KMO: variants seen among roughly 807,000 people sequenced by gnomAD.
KMO encodes the protein kynurenine 3-hydroxylase.
A neutral mutation model predicts 57.8 loss-of-function variants in KMO; 24 were observed. The ratio of observed to expected loss-of-function variants is 0.42; its 90% confidence interval spans 0.30 to 0.58. The LOEUF (loss-of-function observed/expected upper bound fraction) is 0.58. KMO is among the 20% of genes least tolerant of loss of function. The probability of loss-of-function intolerance (pLI) is 0.22; values close to 1 mark genes in which losing one functional copy is unlikely to be tolerated. For missense variants in KMO, 483 were observed against 588.2 expected, an observed-to-expected ratio of 0.82 and a Z score of 1.85; for synonymous variants, 210 against 193.6, an observed-to-expected ratio of 1.08 and a Z score of -0.70.
At chr1:241,544,223 C>T (rs1395146938) in intron 1 of KMO, among the ~76,000 whole-genome samples, 2 of 152,196 alleles carry the variant, frequency 1.3e-5, no homozygotes, top group African/African-American at 4.8e-5. Flanking sequence ...TCCTACTTGC[C>T]TTTCTCCCTA....
chr1:241,565,889 A>G (rs1662057373), intron 8 of KMO, among the ~76,000 whole-genome samples: 1 of 152,156 alleles, frequency 6.6e-6, no homozygotes, highest in South Asian at 2.1e-4. Flanking sequence ...GAGATGTCAA[A>G]TCTAACCAAC....
At position 241,594,848 on chromosome 1, in the gene KMO, T is replaced by TCAC; in HGVS notation, c.*2697_*2699dup. 5.6e-6 allele frequency: 4 copies of TCAC among 719,362 alleles called. No individual in the cohort carries two copies. The highest frequency in any genetic ancestry group is 9.1e-6 in the Non-Finnish European group (4 of 440,734). 44.6% of individuals were successfully genotyped at this position (719,362 alleles called of 1,614,324 possible). A position where few individuals can be genotyped will look rare whatever the true frequency, so the allele number is the denominator to read the frequency against. ...GTGGTCATGCTCAGATCTACCTAAA[T>TCAC]CACCCCAGAGCTTTATGTCTTTTAT... On this transcript the variant is annotated 3_prime_UTR_variant, in exon 15 of 15. Transcript: ENST00000366559.
At chr1:241,541,362 T>C (rs1451589480) in intron 1 of KMO, among the ~76,000 whole-genome samples, 1 of 152,112 alleles carries the variant, frequency 6.6e-6, no homozygotes, top group Non-Finnish European at 1.5e-5. Flanking sequence ...CTCTAAGATA[T>C]GAAATATATA....
intron 2 of KMO, among the ~76,000 whole-genome samples, chr1:241,549,435 A>T (rs1268576727): frequency 6.6e-6 from 1 of 152,144 alleles, no homozygotes; most frequent in East Asian, 1.9e-4. Context: ...AGATTTTCTG[A>T]ACTTAAAAAG....
intron 1 of KMO, among the ~76,000 whole-genome samples, chr1:241,543,900 G>A (rs1043817959): frequency 6.6e-6 from 1 of 152,136 alleles, no homozygotes; most frequent in Admixed American, 6.6e-5. Context: ...GAAGTATTGA[G>A]GCAGAATCTC....
intron 7 of KMO, among the ~76,000 whole-genome samples, chr1:241,563,240 A>G (rs1661945944): frequency 6.6e-6 from 1 of 152,218 alleles, no homozygotes; most frequent in African/African-American, 2.4e-5. Context: ...TCATGTTGTC[A>G]TAAGCAAATA....
intron 14 of KMO, among the ~76,000 whole-genome samples, chr1:241,591,596 T>C (rs901147048): frequency 6.6e-6 from 1 of 152,158 alleles, no homozygotes; most frequent in Non-Finnish European, 1.5e-5. Flanking sequence ...GGGAAGCTTC[T>C]GAGAAGGAAT....
chr1:241,538,781 C>T (rs896595812), intron 1 of KMO, among the ~76,000 whole-genome samples: 30 of 152,306 alleles, frequency 2.0e-4, no homozygotes, highest in African/African-American at 6.5e-4. Flanking sequence ...GAATTCATCC[C>T]TCAGAGATTC....
intron 1 of KMO, among the ~76,000 whole-genome samples, chr1:241,532,715 A>G (rs1660621108): frequency 6.6e-6 from 1 of 152,124 alleles, no homozygotes; most frequent in Non-Finnish European, 1.5e-5. Context: ...AAGGTATTTT[A>G]TAGCCATTAA....
intron 6 of KMO, 77 bp downstream of exon 6, chr1:241,560,829 G>C: frequency 1.1e-6 from 1 of 950,162 alleles, no homozygotes; most frequent in Non-Finnish European, 1.7e-6. Context: ...TTTGTTCTTT[G>C]GCTCTTTTGA....
At chr1:241,540,796 G>T (rs1395306981) in intron 1 of KMO, among the ~76,000 whole-genome samples, 3 of 152,094 alleles carry the variant, frequency 2.0e-5, no homozygotes, top group African/African-American at 7.2e-5. Context: ...GGGCATGATG[G>T]TTCATGCCTA....
chr1:241,579,107 A>G (rs1662653847), intron 10 of KMO, among the ~76,000 whole-genome samples: 1 of 152,100 alleles, frequency 6.6e-6, no homozygotes, highest in African/African-American at 2.4e-5. Context: ...AAACCATATC[A>G]CAGTGATAGC....
rs141807761 is a variant in KMO at position 241,542,963 on chromosome 1, T to C, written c.55-5866T>C. Reference sequence around the variant, plus strand: ...CACGCCCATTACTACCCCTTCTGGCTGAACCGACGTAACACCTACTATTGT... The same window carrying C: ...CACGCCCATTACTACCCCTTCTGGCCGAACCGACGTAACACCTACTATTGT... On this transcript the variant is annotated intron_variant, in intron 1 of 14. Coordinates refer to ENST00000366559, the MANE Select transcript of KMO (RefSeq NM_003679.5). Among the ~76,000 whole-genome samples the C allele has an allele frequency of 2.6e-4, 40 of 152,344 alleles. 1 individual carries two copies. The highest frequency in any genetic ancestry group is 2.4e-4 in the Non-Finnish European group (16 of 68,024).
intron 10 of KMO, among the ~76,000 whole-genome samples, chr1:241,585,934 G>A (rs981095697): frequency 1.3e-5 from 2 of 151,836 alleles, no homozygotes; most frequent in African/African-American, 4.8e-5. Context: ...TTAATCTTGA[G>A]TTATAGGAAC....
In KMO at chr1:241,549,266, A is replaced by AAAGAAAGAAAGACGGAAAGAAAGAAAGG. The variant is rs1348387681; in HGVS notation, c.124+371_124+372insAAAGAAAGACGGAAAGAAAGAAAGGAAG. Among the ~76,000 whole-genome samples the AAAGAAAGAAAGACGGAAAGAAAGAAAGG allele has an allele frequency of 1.4e-4, 16 of 117,644 alleles. 1 individual carries two copies. Among genetic ancestry groups the AAAGAAAGAAAGACGGAAAGAAAGAAAGG allele is most frequent in the Middle Eastern group, 4.7e-3 (1 of 214 alleles). The allele number at this position is 117,644 out of a possible 152,430, so 77.2% of individuals were successfully genotyped here. On this transcript the variant is annotated intron_variant, in intron 2 of 14. Coordinates refer to ENST00000366559, the MANE Select transcript of KMO (RefSeq NM_003679.5). ...GAAAGAAAGAAAGAAAGAAAGAAAGAAAGGAAGGAAGAAAGAAAGAAAGGA... is the reference window on the plus strand; with the variant it reads ...GAAAGAAAGAAAGAAAGAAAGAAAGAAAGAAAGAAAGACGGAAAGAAAGAAAGGAAGGAAGGAAGAAAGAAAGAAAGGA...
At chr1:241,589,309 T>C (rs561736203) in intron 12 of KMO, among the ~76,000 whole-genome samples, 1 of 152,126 alleles carries the variant, frequency 6.6e-6, no homozygotes, top group South Asian at 2.1e-4. Context: ...AGATTAGTAC[T>C]TTGAAAAAAA....
At chr1:241,578,808 AAG>A (rs547266781) in intron 10 of KMO, among the ~76,000 whole-genome samples, 221 of 152,230 alleles carry the variant, frequency 1.5e-3, no homozygotes, top group African/African-American at 5.0e-3. Flanking sequence ...TTTATAAAGA[AAG>A]AGAGGTTTGA....
chr1:241,560,560 A>G lies in KMO; in HGVS notation c.362-105A>G, dbSNP rs755041191. On this transcript the variant is annotated intron_variant, in intron 5 of 14. Transcript: ENST00000366559. The stretch of plus-strand genomic sequence containing the variant: ...TTATTTTTACATTGTTATGAATAAA[A>G]TTCTCTACCATACTGTTCCCAGAAA... 188 of 779,260 alleles carry G rather than the reference A, an allele frequency of 2.4e-4. 1 individual carries two copies. The highest frequency in any genetic ancestry group is 3.5e-4 in the Non-Finnish European group (159 of 455,074). 48.3% of individuals were successfully genotyped at this position (779,260 alleles called of 1,614,324 possible).
In KMO at chr1:241,550,994, C is replaced by A; in HGVS notation, c.262C>A (p.His88Asn). Residue 88 changes from histidine (H) to asparagine (N), a missense_variant, in exon 4 of 15, where the codon CAC becomes AAC. By Grantham distance (68) the His-to-Asn change is moderately conservative. Transcript: ENST00000366559. ...TATTCCCATGAGAGCAAGAATGATC[C>A]ACTCTCTTTCAGGAAAAAAGTCTGC... The part of the protein sequence containing the change: ...QGIPMRARMI[H>N]SLSGKKSAIP... 6.4e-7 allele frequency: 1 copy of A among 1,561,852 alleles called. No homozygotes were observed. The highest frequency in any genetic ancestry group is 8.6e-7 in the Non-Finnish European group (1 of 1,158,568).
Sources: allele counts gnomAD v4.1 joint callset (sites outside exome capture counted in the v4.1 genomes callset), GRCh38; gene constraint gnomAD v4.1.1; transcripts MANE v1.5; gene names NCBI Gene and HGNC (gene_info 2026-07-23, HGNC 2026-07-21).